HYAL4: variants seen among roughly 807,000 people sequenced by gnomAD.
HYAL4 encodes the protein hyaluronidase 4, also known as hyaluronidase-4.
Under a neutral mutation model 35.2 loss-of-function variants are expected in HYAL4, and 37 were observed. The observed-to-expected ratio is 1.05, with a 90% CI of 0.81 to 1.38. The LOEUF (loss-of-function observed/expected upper bound fraction) is 1.38, where lower values mean the gene tolerates loss of function less well. Among genes scored for constraint, HYAL4 ranks in the 40% most tolerant of loss-of-function variants. HYAL4 has a pLI of 0.00. For missense variants in HYAL4, 572 were observed against 572.4 expected (o/e 1.00, Z 0.01); for synonymous variants, 198 against 203.2 (o/e 0.97, Z 0.22).
the HYAL4 span, among the ~76,000 whole-genome samples, chr7:123,795,401 G>A: frequency 6.6e-6 from 1 of 152,152 alleles, no homozygotes; most frequent in Non-Finnish European, 1.5e-5. Flanking sequence ...GGCCAGGAGT[G>A]GAATAATATG....
At chr7:123,836,799 C>T (rs886105911) in intron 1 of HYAL4, among the ~76,000 whole-genome samples, 4 of 152,064 alleles carry the variant, frequency 2.6e-5, no homozygotes, top group Admixed American at 1.3e-4. Flanking sequence ...GAGGCCAAGG[C>T]AGGTGGATCA....
chr7:123,806,213 A>T, the HYAL4 span, among the ~76,000 whole-genome samples: 3 of 152,130 alleles, frequency 2.0e-5, no homozygotes, highest in African/African-American at 7.2e-5. Flanking sequence ...AGAGTGTTGC[A>T]CTGGGAGCAG....
intron 1 of HYAL4, among the ~76,000 whole-genome samples, chr7:123,847,509 G>A (rs1806199996): frequency 6.6e-6 from 1 of 152,108 alleles, no homozygotes; most frequent in African/African-American, 2.4e-5. Context: ...CTGGAGCGGT[G>A]GTTTACGCCT....
the HYAL4 span, among the ~76,000 whole-genome samples, chr7:123,768,121 A>G: frequency 6.6e-6 from 1 of 152,202 alleles, no homozygotes; most frequent in East Asian, 1.9e-4. Context: ...GATTAAGATT[A>G]ACTTTAAAAG....
the HYAL4 span, among the ~76,000 whole-genome samples, chr7:123,780,026 T>C: frequency 6.6e-6 from 1 of 152,212 alleles, no homozygotes; most frequent in African/African-American, 2.4e-5. Flanking sequence ...TGCATAATTC[T>C]CATTAAGACT....
chr7:123,779,596 T>C, the HYAL4 span, among the ~76,000 whole-genome samples: 2 of 152,172 alleles, frequency 1.3e-5, no homozygotes, highest in Admixed American at 1.3e-4. Context: ...TGAAGCTGCA[T>C]GATTGGTTCA....
chr7:123,802,966 A>C, the HYAL4 span, among the ~76,000 whole-genome samples: 1 of 152,218 alleles, frequency 6.6e-6, no homozygotes, highest in Non-Finnish European at 1.5e-5. Flanking sequence ...ACACCTGATT[A>C]TTTACTACAA....
At chr7:123,864,461 G>C (rs948923818) in intron 2 of HYAL4, among the ~76,000 whole-genome samples, 1 of 152,104 alleles carries the variant, frequency 6.6e-6, no homozygotes, top group Non-Finnish European at 1.5e-5. Flanking sequence ...GTCATTTAGA[G>C]GTTTGTTTAC....
intron 1 of HYAL4, among the ~76,000 whole-genome samples, chr7:123,835,796 A>G (rs1458451969): frequency 6.6e-6 from 1 of 152,166 alleles, no homozygotes; most frequent in Admixed American, 6.5e-5. Flanking sequence ...CATTCGGTTC[A>G]AAAATTTTTT....
At chr7:123,824,535 A>T (rs139805448), upstream of HYAL4, among the ~76,000 whole-genome samples, 550 of 152,164 alleles carry the variant, frequency 3.6e-3, 3 homozygotes, top group African/African-American at 0.013. Flanking sequence ...GCGCTGCTGC[A>T]ATTTGGTTAC....
intron 2 of HYAL4, among the ~76,000 whole-genome samples, chr7:123,861,747 AC>A (rs2116946068): frequency 6.6e-6 from 1 of 152,296 alleles, no homozygotes; most frequent in East Asian, 1.9e-4. Context: ...TGGAAAGGAA[AC>A]AATTTTATAC....
Position 123,869,191 on chromosome 7 carries a change from A to T in HYAL4, c.918A>T (p.Leu306=). 8.1e-6 allele frequency: 13 copies of T among 1,613,766 alleles called. No individual in the cohort carries two copies. Among genetic ancestry groups the T allele is most frequent in the Non-Finnish European group, 1.1e-5 (13 of 1,179,870 alleles). Residue 306 remains leucine, a synonymous_variant, in exon 3 of 5, where the codon CTA becomes CTT. Coordinates refer to ENST00000223026, the MANE Select transcript of HYAL4 (RefSeq NM_012269.3). ...TGCCTGTATTTGTCTACACAAGGCT[A>T]GGGTACAGAGATGAACCTTTATTTT... ...YALPVFVYTR[L]GYRDEPLFFL...
upstream of HYAL4, among the ~76,000 whole-genome samples, chr7:123,828,506 G>T (rs1805833809): frequency 6.7e-6 from 1 of 150,314 alleles, no homozygotes; most frequent in Admixed American, 6.7e-5. Context: ...TAGGAGAATT[G>T]TTATCTCTTC....
the HYAL4 span, among the ~76,000 whole-genome samples, chr7:123,782,188 G>C: frequency 6.6e-6 from 1 of 152,152 alleles, no homozygotes; most frequent in Non-Finnish European, 1.5e-5. Flanking sequence ...AGAGGTTGTT[G>C]ACATATATGA....
chr7:123,792,055 G>A, the HYAL4 span, among the ~76,000 whole-genome samples: 2 of 152,176 alleles, frequency 1.3e-5, no homozygotes, highest in African/African-American at 4.8e-5. Context: ...GCTTTGAAAT[G>A]AGCCCTATGA....
the HYAL4 span, among the ~76,000 whole-genome samples, chr7:123,792,716 A>G: frequency 2.6e-5 from 4 of 152,118 alleles, no homozygotes; most frequent in Non-Finnish European, 4.4e-5. Flanking sequence ...TCTGACTGGT[A>G]GGAAAACTCC....
At chr7:123,801,683 C>T in the HYAL4 span, among the ~76,000 whole-genome samples, 1 of 152,026 alleles carries the variant, frequency 6.6e-6, no homozygotes, top group Non-Finnish European at 1.5e-5. Flanking sequence ...TTTTCAGTGT[C>T]CTAGTCCTCA....
At chr7:123,855,489 G>C (rs191085936) in intron 2 of HYAL4, among the ~76,000 whole-genome samples, 1 of 152,184 alleles carries the variant, frequency 6.6e-6, no homozygotes, top group East Asian at 1.9e-4. Flanking sequence ...AAAATTCTGG[G>C]TTGAAAATTC....
chr7:123,819,535 A>G, the HYAL4 span: 1 of 152,228 alleles, frequency 6.6e-6, no homozygotes, highest in African/African-American at 2.4e-5. Context: ...TTATCTGCTT[A>G]CTTGACCTTA....
Sources: gnomAD v4.1 joint callset for allele counts (sites outside exome capture counted in the v4.1 genomes callset) on GRCh38, gnomAD v4.1.1 for gene constraint, MANE v1.5 for transcripts, NCBI Gene and HGNC (gene_info 2026-07-23, HGNC 2026-07-21) for gene names.